Variants in RAP1GDS1 observed in about 807,000 individuals in gnomAD.
RAP1GDS1 encodes RAP1, GTP-GDP dissociation stimulator 1.
Under a neutral mutation model 71.1 loss-of-function variants are expected in RAP1GDS1, and 35 were observed. The observed-to-expected ratio is 0.49, with a 90% CI of 0.38 to 0.65. The LOEUF (loss-of-function observed/expected upper bound fraction) is 0.65, where lower values mean the gene tolerates loss of function less well. Ranked by LOEUF, RAP1GDS1 falls within the 30% of genes least tolerant of loss-of-function variation. The pLI, the probability that RAP1GDS1 is intolerant of heterozygous loss-of-function variation, is 0.00. For missense variants in RAP1GDS1, 663 were observed against 706.1 expected (o/e 0.94, Z 0.69); for synonymous variants, 229 against 243.1 (o/e 0.94, Z 0.54).
intron 2 of RAP1GDS1, among the ~76,000 whole-genome samples, chr4:98,298,041 G>A (rs981867288): frequency 1.3e-5 from 2 of 152,202 alleles, no homozygotes; most frequent in African/African-American, 4.8e-5. Flanking sequence ...TCTGGTTAGA[G>A]GATCATACTA....
At chr4:98,389,664 C>G (rs970405666) in intron 5 of RAP1GDS1, among the ~76,000 whole-genome samples, 1 of 152,132 alleles carries the variant, frequency 6.6e-6, no homozygotes, top group Non-Finnish European at 1.5e-5. Flanking sequence ...GCCATAATTT[C>G]AAATATTACT....
intron 2 of RAP1GDS1, among the ~76,000 whole-genome samples, chr4:98,307,965 C>CT (rs1729579851): frequency 6.6e-6 from 1 of 151,912 alleles, no homozygotes; most frequent in South Asian, 2.1e-4. Flanking sequence ...TATAACATCT[C>CT]TTGATTTTTA....
At chr4:98,400,617 A>G (rs1232376528) in intron 6 of RAP1GDS1, among the ~76,000 whole-genome samples, 2 of 152,056 alleles carry the variant, frequency 1.3e-5, no homozygotes, top group East Asian at 3.9e-4. Context: ...AGAAGATACA[A>G]AATTACAGCT....
chr4:98,349,559 G>C (rs749500402), intron 3 of RAP1GDS1, among the ~76,000 whole-genome samples: 3 of 152,194 alleles, frequency 2.0e-5, no homozygotes, highest in Non-Finnish European at 4.4e-5. Context: ...ACTTTGGGCA[G>C]TATGGCCATT....
intron 3 of RAP1GDS1, 91 bp downstream of exon 3, chr4:98,343,352 T>A: frequency 7.0e-7 from 1 of 1,423,066 alleles, no homozygotes; most frequent in South Asian, 1.2e-5. Context: ...TGTTTTAATT[T>A]TGTAGATTAG....
chr4:98,325,191 T>G (rs1445196225), intron 2 of RAP1GDS1, among the ~76,000 whole-genome samples: 5 of 151,638 alleles, frequency 3.3e-5, no homozygotes, highest in Admixed American at 3.3e-4. Flanking sequence ...TCACTGGCCA[T>G]CAGAGAAATG....
intron 6 of RAP1GDS1, among the ~76,000 whole-genome samples, chr4:98,395,143 A>C (rs949221813): frequency 6.6e-6 from 1 of 152,156 alleles, no homozygotes; most frequent in African/African-American, 2.4e-5. Flanking sequence ...TTTTTAAAAG[A>C]GAACTTGAAT....
chr4:98,379,923 A>G (rs1424799242), intron 5 of RAP1GDS1, among the ~76,000 whole-genome samples: 3 of 151,818 alleles, frequency 2.0e-5, no homozygotes, highest in African/African-American at 7.2e-5. Flanking sequence ...ATGGCATTTT[A>G]AGTTGTGATA....
At position 98,262,016 on chromosome 4, in the gene RAP1GDS1, T is replaced by A. The variant is rs551733103; in HGVS notation, c.4+447T>A. 7.2e-5 allele frequency among the ~76,000 whole-genome samples: 11 copies of A among 152,358 alleles called. No individual in the cohort carries two copies. The South Asian group carries it at 2.3e-3, about 32-fold the overall frequency. ...AACTTCCTTCTCTGTCAGTGCGACC[T>A]TTCCCCGTCGTGGAGACTCCTCATC... On this transcript the variant is annotated intron_variant, in intron 1 of 14. Transcript: ENST00000408927.
intron 2 of RAP1GDS1, among the ~76,000 whole-genome samples, chr4:98,307,046 A>G (rs2110309337): frequency 6.6e-6 from 1 of 152,062 alleles, no homozygotes; most frequent in South Asian, 2.1e-4. Context: ...TGTAAAATAT[A>G]TGTCTTCTTA....
intron 6 of RAP1GDS1, among the ~76,000 whole-genome samples, chr4:98,399,580 C>T (rs1247875061): frequency 1.3e-5 from 2 of 152,202 alleles, no homozygotes; most frequent in Non-Finnish European, 2.9e-5. Flanking sequence ...AGGCGTGAAC[C>T]ACTGTGTCTG....
Position 98,360,882 on chromosome 4 carries a change from G to T in RAP1GDS1, c.361+8281G>T, listed in dbSNP as rs536826038. 3.0e-4 allele frequency among the ~76,000 whole-genome samples: 45 copies of T among 152,080 alleles called. 1 individual carries two copies. Among genetic ancestry groups the T allele is most frequent in the Admixed American group, 2.5e-3 (38 of 15,250 alleles). ...AGGTCAGGAGTTCAAGAGCAGTCTG[G>T]TCAACATGGTGAAACCCCATCTCTA... On this transcript the variant is annotated intron_variant, in intron 4 of 14. Transcript: ENST00000408927.
At chr4:98,347,483 T>C (rs1736462517) in intron 3 of RAP1GDS1, among the ~76,000 whole-genome samples, 1 of 152,234 alleles carries the variant, frequency 6.6e-6, no homozygotes, top group African/African-American at 2.4e-5. Flanking sequence ...CTTAAACCTC[T>C]GTATTGAATT....
chr4:98,295,801 C>A (rs955099593), intron 2 of RAP1GDS1, among the ~76,000 whole-genome samples: 1 of 151,766 alleles, frequency 6.6e-6, no homozygotes, highest in Non-Finnish European at 1.5e-5. Flanking sequence ...AGTGGATAAG[C>A]CTGTTTTTCT....
intron 4 of RAP1GDS1, among the ~76,000 whole-genome samples, chr4:98,366,755 C>T (rs1193473624): frequency 2.0e-5 from 3 of 152,090 alleles, no homozygotes; most frequent in Non-Finnish European, 4.4e-5. Context: ...TTTGCCCCTG[C>T]CCTAGAGATT....
chr4:98,343,349 A>AT (rs759178067), intron 3 of RAP1GDS1, 88 bp downstream of exon 3: 1 of 1,423,486 alleles, frequency 7.0e-7, no homozygotes, highest in Non-Finnish European at 9.7e-7. Context: ...TTATGTTTTA[A>AT]TTTTGTAGAT....
rs1560986563 is a variant in RAP1GDS1 at position 98,416,354 on chromosome 4, T to G, written c.764-391T>G. On this transcript the variant is annotated intron_variant, in intron 7 of 14. Transcript: ENST00000408927. Reference sequence around the variant, plus strand: ...TCTTAGTTTTTTTTTTTTTTTTTTTTTTTTTTTTTTGAGACAGAGTCTCGC... The same window carrying G: ...TCTTAGTTTTTTTTTTTTTTTTTTTGTTTTTTTTTTGAGACAGAGTCTCGC... Among the ~76,000 whole-genome samples the G allele has an allele frequency of 2.3e-5, 3 of 131,546 alleles. 1 individual carries two copies. The highest frequency in any genetic ancestry group is 4.9e-5 in the Non-Finnish European group (3 of 61,798). The allele number at this position is 131,546 out of a possible 152,430, so 86.3% of individuals were successfully genotyped here.
At chr4:98,432,089 C>T (rs529295316) in intron 12 of RAP1GDS1, among the ~76,000 whole-genome samples, 1 of 152,252 alleles carries the variant, frequency 6.6e-6, no homozygotes, top group South Asian at 2.1e-4. Flanking sequence ...CCGCTCCCCC[C>T]ATCCCACGAC....
intron 4 of RAP1GDS1, among the ~76,000 whole-genome samples, chr4:98,374,246 A>C (rs776362944): frequency 2.6e-4 from 40 of 151,964 alleles, no homozygotes; most frequent in Non-Finnish European, 3.4e-4. Flanking sequence ...ATTTCTATTG[A>C]TCTATGAGTT....
Sources: gnomAD v4.1 joint callset for allele counts (sites outside exome capture counted in the v4.1 genomes callset) on GRCh38, gnomAD v4.1.1 for gene constraint, MANE v1.5 for transcripts, NCBI Gene and HGNC (gene_info 2026-07-23, HGNC 2026-07-21) for gene names.